Variants in ARHGAP39 observed in about 807,000 individuals in gnomAD.
ARHGAP39 encodes the protein rho GTPase-activating protein 39.
In ARHGAP39, 44 loss-of-function variants were observed where a neutral mutation model predicts 106.9. The ratio of observed to expected loss-of-function variants is 0.41; its 90% CI spans 0.32 to 0.53. The LOEUF is 0.53. Ranked by LOEUF, ARHGAP39 falls within the 20% of genes least tolerant of loss-of-function variation. The pLI is 0.21. For missense variants in ARHGAP39, 1,496 were observed against 1,577.3 expected (o/e 0.95, Z 0.87); for synonymous variants, 768 against 693.2 (o/e 1.11, Z -1.69).
intron 1 of ARHGAP39, among the ~76,000 whole-genome samples, chr8:144,648,409 G>A (rs1444810300): frequency 6.6e-6 from 1 of 152,200 alleles, no homozygotes; most frequent in African/African-American, 2.4e-5. Context: ...TCTCCCACAA[G>A]GAAACAAGAG....
chr8:144,687,637 GGTGA>G, upstream of ARHGAP39, among the ~76,000 whole-genome samples: 1 of 56,660 alleles, frequency 1.8e-5, no homozygotes, highest in African/African-American at 8.6e-5. Flanking sequence ...ACACACTGGC[GGTGA>G]GCACTTCCCA....
At chr8:144,680,341 C>T (rs955712229) in intron 1 of ARHGAP39, among the ~76,000 whole-genome samples, 1 of 152,192 alleles carries the variant, frequency 6.6e-6, no homozygotes, top group Admixed American at 6.5e-5. Flanking sequence ...ACAGCCTCTG[C>T]ACAAGGAGTC....
intron 1 of ARHGAP39, among the ~76,000 whole-genome samples, chr8:144,648,793 C>T (rs1821505677): frequency 1.3e-5 from 2 of 152,076 alleles, no homozygotes; most frequent in African/African-American, 4.8e-5. Context: ...TCAAGAAGTT[C>T]CTTGAAACTA....
In ARHGAP39 at chr8:144,604,581, T is replaced by C. The variant is rs899721019; in HGVS notation, c.80+954A>G. The stretch of plus-strand genomic sequence containing the variant: ...TTTGTAGAGATGGGGTCTCGCTAGG[T>C]TGCCCAGGCTGGGATGATCTGTTTT... On this transcript the variant is annotated intron_variant, in intron 2 of 11. Transcript: ENST00000377307. The surrounding 1 kb of genome is among the most constrained non-coding windows in gnomAD (Gnocchi z 4.1). 1.3e-5 allele frequency among the ~76,000 whole-genome samples: 2 copies of C among 152,118 alleles called. No homozygotes were observed. Among genetic ancestry groups the C allele is most frequent in the African/African-American group, 2.4e-5 (1 of 41,418 alleles).
chr8:144,641,158 G>A lies in ARHGAP39; in HGVS notation c.-81-35463C>T, dbSNP rs1453094240. 6.6e-6 allele frequency among the ~76,000 whole-genome samples: 1 copy of A among 152,020 alleles called. No homozygotes were observed. Among genetic ancestry groups the A allele is most frequent in the Non-Finnish European group, 1.5e-5 (1 of 68,022 alleles). On this transcript the variant is annotated intron_variant, in intron 1 of 11. Transcript: ENST00000377307. The surrounding 1 kb of genome is among the most constrained non-coding windows in gnomAD (Gnocchi z 5.2). The stretch of plus-strand genomic sequence containing the variant: ...CTTTCATCCACCATCCACCTGTTCT[G>A]CCACAGGATCACGGGGGGAAAGACC...
intron 1 of ARHGAP39, chr8:144,683,343 TAAAA>T (rs1252390448): frequency 6.7e-6 from 1 of 148,994 alleles, no homozygotes; most frequent in Non-Finnish European, 1.5e-5. Flanking sequence ...TAAAATAAAA[TAAAA>T]TATTCTTTTT....
rs765786347 is a variant in ARHGAP39 at position 144,545,692 on chromosome 8, T to C, written c.2078A>G (p.Asp693Gly). The C allele has an allele frequency of 6.2e-7, 1 of 1,613,284 alleles. No homozygotes were observed. Among genetic ancestry groups the C allele is most frequent in the Admixed American group, 1.7e-5 (1 of 60,020 alleles). ...FTLRKPSSET[D>G]IENWASKHFN... Reference sequence around the variant, plus strand: ...GTGCTTGGAGGCCCAGTTCTCGATGTCCGTCTCCGAGGAGGGCTTGCGCAG... The same window carrying C: ...GTGCTTGGAGGCCCAGTTCTCGATGCCCGTCTCCGAGGAGGGCTTGCGCAG... Residue 693 changes from aspartate to glycine, a missense_variant, in exon 6 of 12, where the codon GAC becomes GGC. Around this residue, in one of 4 missense-constraint regions of ARHGAP39, gnomAD observed 470 missense variants for 605.1 expected, o/e 0.78. Coordinates refer to ENST00000377307, the MANE Select transcript of ARHGAP39 (RefSeq NM_025251.3).
At chr8:144,554,476 A>G (rs1234166065) in intron 4 of ARHGAP39, among the ~76,000 whole-genome samples, 1 of 151,988 alleles carries the variant, frequency 6.6e-6, no homozygotes, top group Non-Finnish European at 1.5e-5. Context: ...TGGGGATGGC[A>G]GAGCTGAGGC....
intron 3 of ARHGAP39, among the ~76,000 whole-genome samples, chr8:144,559,528 C>T (rs1254962650): frequency 2.0e-5 from 3 of 152,218 alleles, no homozygotes; most frequent in Middle Eastern, 3.4e-3. Flanking sequence ...GGAGACCAAT[C>T]GTGTGTCTGA....
chr8:144,547,072 T>G lies in ARHGAP39; in HGVS notation c.1959+55A>C, dbSNP rs558490187. The G allele has an allele frequency of 1.3e-6, 2 of 1,493,998 alleles. No individual in the cohort carries two copies. The highest frequency in any genetic ancestry group is 2.8e-5 in the South Asian group (2 of 72,354). The allele number at this position is 1,493,998 out of a possible 1,614,324, so 92.5% of individuals were successfully genotyped here. On this transcript the variant is annotated intron_variant, in intron 5 of 11. Transcript: ENST00000377307. The surrounding 1 kb of genome is among the most constrained non-coding windows in gnomAD (Gnocchi z 5.2). Reference sequence around the variant, plus strand: ...CCTGTGCCTGGCCCACGGGGTCCACTCTGACTGGGCTGGCCCCAGGCTCTC... The same window carrying G: ...CCTGTGCCTGGCCCACGGGGTCCACGCTGACTGGGCTGGCCCCAGGCTCTC...
At chr8:144,581,424 AC>A (rs1266803109) in intron 2 of ARHGAP39, 147 bp from the exon 3 acceptor site, 94 of 957,800 alleles carry the variant, frequency 9.8e-5, no homozygotes, top group Non-Finnish European at 1.3e-4. Flanking sequence ...TCCGCCCCTG[AC>A]TGCTGTGCTC....
chr8:144,564,267 T>C (rs914919056), intron 3 of ARHGAP39, among the ~76,000 whole-genome samples: 2 of 152,200 alleles, frequency 1.3e-5, no homozygotes, highest in South Asian at 2.1e-4. Flanking sequence ...GAATGCCAAC[T>C]CCTTTTGGTT....
At chr8:144,640,249 C>T (rs1164061449) in intron 1 of ARHGAP39, among the ~76,000 whole-genome samples, 1 of 152,146 alleles carries the variant, frequency 6.6e-6, no homozygotes, top group Non-Finnish European at 1.5e-5. Context: ...GTTTTCATGG[C>T]ACATGATGTG....
rs1027434015 is a variant in ARHGAP39 at position 144,550,939 on chromosome 8, C to T, written c.597-2450G>A. ...GCAAGGCTTGGATTTCACTTAACAT[C>T]CTTCTGCCTCAGTTTCCTCCTCAGT... On this transcript the variant is annotated intron_variant, in intron 4 of 11. Transcript: ENST00000377307. Among the ~76,000 whole-genome samples the T allele has an allele frequency of 3.3e-5, 5 of 152,246 alleles. No individual in the cohort carries two copies. The East Asian group carries it at 9.6e-4, about 29-fold the overall frequency.
intron 1 of ARHGAP39, among the ~76,000 whole-genome samples, chr8:144,681,954 C>T (rs1458316993): frequency 1.3e-5 from 2 of 152,190 alleles, no homozygotes; most frequent in Non-Finnish European, 2.9e-5. Context: ...AATCTTTCCA[C>T]TATGTTCTGA....
rs1818976762 is a variant in ARHGAP39 at position 144,581,222 on chromosome 8, G to A, written c.136C>T (p.Leu46=). The A allele has an allele frequency of 6.4e-7, 1 of 1,556,010 alleles. No individual in the cohort carries two copies. Among genetic ancestry groups the A allele is most frequent in the Non-Finnish European group, 8.7e-7 (1 of 1,150,614 alleles). The change falls in exon 3 of 12, where the codon CTG becomes TTG. Residue 46 remains leucine (L), a synonymous_variant. Transcript: ENST00000377307. ...TCCCACACGCACTCACCGGTGACCA[G>A]GTTGGCGTACATGCGCTCGCGGGTG... ...PRTRERMYAN[L]VTGECVWDPP...
chr8:144,696,326 A>G, the ARHGAP39 span, among the ~76,000 whole-genome samples: 1 of 152,246 alleles, frequency 6.6e-6, no homozygotes, highest in African/African-American at 2.4e-5. Flanking sequence ...TTTAGTAGAG[A>G]CGGGGTTTCG....
chr8:144,601,510 ATG>A (rs1491167530), intron 2 of ARHGAP39, among the ~76,000 whole-genome samples: 4 of 48,492 alleles, frequency 8.2e-5, no homozygotes, highest in South Asian at 7.2e-4. Context: ...GCGTGGAGGC[ATG>A]TGTGTGCTCA....
intron 3 of ARHGAP39, among the ~76,000 whole-genome samples, chr8:144,569,473 T>C (rs1818511523): frequency 6.6e-6 from 1 of 152,246 alleles, no homozygotes; most frequent in African/African-American, 2.4e-5. Flanking sequence ...AAACTACGGA[T>C]ACATGTAACA....
Sources: allele counts gnomAD v4.1 joint callset (sites outside exome capture counted in the v4.1 genomes callset), GRCh38; gene constraint gnomAD v4.1.1; regional missense constraint gnomAD v4.1.1; non-coding constraint Gnocchi (gnomAD v3.1); transcripts MANE v1.5; gene names NCBI Gene and HGNC (gene_info 2026-07-23, HGNC 2026-07-21).